TSPAN11: variants seen among roughly 807,000 people sequenced by gnomAD.
TSPAN11 encodes tetraspanin-11.
In TSPAN11, 29 loss-of-function variants were observed where a neutral mutation model predicts 32.9. The ratio of observed to expected loss-of-function variants is 0.88; its 90% CI spans 0.66 to 1.20. The LOEUF (loss-of-function observed/expected upper bound fraction) is 1.20. TSPAN11 is among the 50% of genes most tolerant of loss of function. TSPAN11 has a pLI of 0.00. For synonymous variants in TSPAN11, 140 were observed against 141.3 expected (o/e 0.99, Z 0.07); for missense variants, 283 against 329.1 (o/e 0.86, Z 1.08).
Position 30,936,830 on chromosome 12 carries a change from G to T in TSPAN11, c.-12+10034G>T, listed in dbSNP as rs190323426. Among the ~76,000 whole-genome samples, 5 of 152,258 alleles carry T rather than the reference G, an allele frequency of 3.3e-5. No individual in the cohort carries two copies. In the East Asian group the frequency reaches 9.6e-4, roughly 29 times the overall value. On this transcript the variant is annotated intron_variant, in intron 1 of 7. Transcript: ENST00000546076. ...CAGCTTGTTGGAGGTGGATGGAGTT[G>T]GGCATAAATGGGGGTAGCAAAGAGG...
intron 2 of TSPAN11, among the ~76,000 whole-genome samples, chr12:30,958,469 A>G (rs1406679012): frequency 6.6e-6 from 1 of 151,882 alleles, no homozygotes; most frequent in African/African-American, 2.4e-5. Flanking sequence ...CCTCCTGGAG[A>G]GCTCGGCATT....
At chr12:30,954,113 A>G in intron 2 of TSPAN11, 38 bp downstream of exon 2, 1 of 1,501,204 alleles carries the variant, frequency 6.7e-7, no homozygotes, top group Non-Finnish European at 9.3e-7. Context: ...TTCCCCGAGC[A>G]CTGAATGAGT....
Position 30,963,879 on chromosome 12 carries a change from T to C in TSPAN11, c.138T>C (p.Ser46=). ...GCATCTGGACCCTGGTGGAGAAGAGTGGCTACCTCAGCGTCCTGGCCTCCA... is the reference window on the plus strand; with the variant it reads ...GCATCTGGACCCTGGTGGAGAAGAGCGGCTACCTCAGCGTCCTGGCCTCCA... The part of the protein sequence containing the change: ...AVGIWTLVEK[S]GYLSVLASST... The change falls in exon 3 of 8, where the codon AGT becomes AGC. Residue 46 remains serine, a synonymous_variant. Coordinates refer to ENST00000546076, the MANE Select transcript of TSPAN11 (RefSeq NM_001370302.1). 6.2e-7 allele frequency: 1 copy of C among 1,612,654 alleles called. No individual in the cohort carries two copies. The highest frequency in any genetic ancestry group is 1.1e-5 in the South Asian group (1 of 91,074).
intron 1 of TSPAN11, among the ~76,000 whole-genome samples, chr12:30,943,795 G>T (rs557646832): frequency 2.6e-5 from 4 of 152,366 alleles, no homozygotes; most frequent in South Asian, 2.1e-4. Flanking sequence ...TCCACTCATC[G>T]GGAATGGAGC....
the TSPAN11 span, among the ~76,000 whole-genome samples, chr12:31,010,428 G>A: frequency 1.0e-3 from 155 of 152,310 alleles, no homozygotes; most frequent in Non-Finnish European, 1.9e-3. Flanking sequence ...CTTCCCATAT[G>A]TGGAGTGAAC....
the TSPAN11 span, among the ~76,000 whole-genome samples, chr12:31,015,081 C>G: frequency 3.3e-5 from 5 of 152,170 alleles, no homozygotes; most frequent in Admixed American, 3.3e-4. The surrounding 1 kb of genome is among the most constrained non-coding windows in gnomAD (Gnocchi z 4.9). Flanking sequence ...ATTACATAAA[C>G]GCATATTCTT....
chr12:30,964,439 C>CCTCTTCCTCCTT (rs1159499607), intron 3 of TSPAN11, among the ~76,000 whole-genome samples: 1 of 151,934 alleles, frequency 6.6e-6, no homozygotes, highest in Admixed American at 6.6e-5. Context: ...TCTTCCTCCT[C>CCTCTTCCTCCTT]CTCTTCCTCT....
At chr12:31,005,331 G>A in the TSPAN11 span, among the ~76,000 whole-genome samples, 32 of 152,320 alleles carry the variant, frequency 2.1e-4, no homozygotes, top group Admixed American at 5.9e-4. Flanking sequence ...ATAGCAGGCA[G>A]ACCCCACCCT....
intron 2 of TSPAN11, among the ~76,000 whole-genome samples, chr12:30,957,704 CCT>C: frequency 1.4e-5 from 1 of 71,658 alleles, no homozygotes; most frequent in Admixed American, 1.3e-4. Flanking sequence ...TCCCTCCCTC[CCT>C]CCTTCCTTCC....
At chr12:30,932,691 C>T (rs924451699) in intron 1 of TSPAN11, among the ~76,000 whole-genome samples, 4 of 152,118 alleles carry the variant, frequency 2.6e-5, no homozygotes, top group Admixed American at 6.6e-5. Context: ...CCTATGGAAC[C>T]GCAGCACATA....
chr12:30,934,059 C>T (rs1937991429), intron 1 of TSPAN11, among the ~76,000 whole-genome samples: 1 of 152,220 alleles, frequency 6.6e-6, no homozygotes, highest in Non-Finnish European at 1.5e-5. Flanking sequence ...TCCACTTTGG[C>T]CCGGCTCTCT....
At position 30,994,515 on chromosome 12, in the gene TSPAN11, G is replaced by C. The variant is rs1184509868; in HGVS notation, c.*2600G>C. 1 of 152,248 alleles carries C rather than the reference G, an allele frequency of 6.6e-6. No homozygotes were observed. Among genetic ancestry groups the C allele is most frequent in the African/African-American group, 2.4e-5 (1 of 41,470 alleles). The allele number at this position is 152,248 out of a possible 1,614,324, so 9.4% of individuals were successfully genotyped here. On this transcript the variant is annotated 3_prime_UTR_variant, in exon 8 of 8. Coordinates refer to ENST00000546076, the MANE Select transcript of TSPAN11 (RefSeq NM_001370302.1). ...GCCCTTCCCTGAGCTCGCAGGGGCA[G>C]ACACCAAGAGAAGGGCGCGTCCCCG... is the stretch of plus-strand genomic sequence containing the variant.
At chr12:30,997,284 T>C (rs929640552), downstream of TSPAN11, 1 of 152,238 alleles carries the variant, frequency 6.6e-6, no homozygotes, top group Non-Finnish European at 1.5e-5. Context: ...AACGGTCATA[T>C]TATTTCATTC....
At chr12:30,965,967 C>T (rs1175816243) in intron 3 of TSPAN11, among the ~76,000 whole-genome samples, 3 of 151,902 alleles carry the variant, frequency 2.0e-5, no homozygotes, top group African/African-American at 4.8e-5. Flanking sequence ...GCTTTGAATG[C>T]GGCCCAACAC....
At chr12:30,940,861 A>G (rs1265353249) in intron 1 of TSPAN11, among the ~76,000 whole-genome samples, 2 of 152,194 alleles carry the variant, frequency 1.3e-5, no homozygotes, top group African/African-American at 4.8e-5. Flanking sequence ...CACCTGTCAG[A>G]TAAGTGGTGG....
chr12:30,977,813 A>G (rs915105099), intron 3 of TSPAN11, among the ~76,000 whole-genome samples: 3 of 152,188 alleles, frequency 2.0e-5, no homozygotes, highest in Non-Finnish European at 4.4e-5. Flanking sequence ...AGCCAGCAGC[A>G]GCAACAGGGC....
At chr12:31,011,811 T>C in the TSPAN11 span, among the ~76,000 whole-genome samples, 131 of 152,338 alleles carry the variant, frequency 8.6e-4, no homozygotes, top group African/African-American at 2.9e-3. Context: ...CTCAGGTGTA[T>C]GGCGGCAAAG....
chr12:30,960,477 CAA>C (rs1366615543), intron 2 of TSPAN11, among the ~76,000 whole-genome samples: 1 of 151,956 alleles, frequency 6.6e-6, no homozygotes, highest in Non-Finnish European at 1.5e-5. Context: ...GGTAGCGAGA[CAA>C]AGAAAAACGC....
chr12:30,986,907 A>AAG (rs1386189263), intron 7 of TSPAN11: 2 of 152,214 alleles, frequency 1.3e-5, no homozygotes, highest in Non-Finnish European at 2.9e-5. Context: ...CGTGGCCTTC[A>AAG]GCCTCAGACC....
Sources: gnomAD v4.1 joint callset for allele counts (sites outside exome capture counted in the v4.1 genomes callset) on GRCh38, gnomAD v4.1.1 for gene constraint, Gnocchi (gnomAD v3.1) non-coding constraint, MANE v1.5 for transcripts, NCBI Gene and HGNC (gene_info 2026-07-23, HGNC 2026-07-21) for gene names.